The following SDCBP2 variants were observed in gnomAD, a reference collection of about 807,000 sequenced individuals.
SDCBP2 encodes the protein syntenin-2.
In SDCBP2, 28 loss-of-function variants were observed where a neutral mutation model predicts 30.7. The observed-to-expected ratio is 0.91, with a 90% confidence interval of 0.68 to 1.25. The LOEUF (loss-of-function observed/expected upper bound fraction) is 1.25, where lower values mean the gene tolerates loss of function less well. Among genes scored for constraint, SDCBP2 ranks in the 50% most tolerant of loss-of-function variants. The pLI, the probability that SDCBP2 is intolerant of heterozygous loss-of-function variation, is 0.00. For missense variants in SDCBP2, 399 were observed against 379.0 expected (o/e 1.05, Z -0.44); for synonymous variants, 166 against 157.3 (o/e 1.06, Z -0.41).
intron 8 of SDCBP2, 70 bp downstream of exon 8, chr20:1,310,730 C>T (rs998874208): frequency 3.4e-5 from 47 of 1,395,368 alleles, no homozygotes; most frequent in Non-Finnish European, 4.3e-5. Flanking sequence ...CCAGGTGCAC[C>T]TGGGAGGCCG....
At chr20:1,319,743 G>T in intron 2 of SDCBP2, 84 bp from the exon 3 acceptor site, 1 of 1,200,400 alleles carries the variant, frequency 8.3e-7, no homozygotes. Context: ...GCCAGGGTCT[G>T]GGCATTAGGG....
In SDCBP2 at chr20:1,313,381, C is replaced by T. The variant is rs2088714734; in HGVS notation, c.343G>A (p.Glu115Lys). The T allele has an allele frequency of 1.2e-6, 2 of 1,611,296 alleles. No individual in the cohort carries two copies. The highest frequency in any genetic ancestry group is 4.5e-5 in the East Asian group (2 of 44,838). ...AGCCTCAGCCCGGTCTTGCCGCGCT[C>T]GTCCTTGCACAGGTGGATCTCGCGC... ...GVREIHLCKDERGKTGLRLRK... is the reference protein window; with the variant it reads ...GVREIHLCKDKRGKTGLRLRK... Residue 115 changes from glutamate to lysine, a missense_variant, in exon 5 of 9, where the codon GAG becomes AAG. Glu to Lys is a moderately conservative substitution (Grantham distance 56). Transcript: ENST00000360779. The surrounding 1 kb of genome is among the most constrained non-coding windows in gnomAD (Gnocchi z 5.2).
At chr20:1,323,856 C>A (rs146411321) in intron 1 of SDCBP2, 2 of 151,548 alleles carry the variant, frequency 1.3e-5, no homozygotes, top group East Asian at 3.9e-4. Context: ...TAAATATTTT[C>A]TGTCTACAGT....
intron 7 of SDCBP2, among the ~76,000 whole-genome samples, chr20:1,311,727 T>C (rs547333550): frequency 1.3e-5 from 2 of 152,298 alleles, no homozygotes; most frequent in East Asian, 3.9e-4. Context: ...CACGACCCCA[T>C]GGATTTCTGA....
intron 1 of SDCBP2, chr20:1,322,521 T>A (rs983605649): frequency 6.6e-6 from 1 of 152,202 alleles, no homozygotes; most frequent in Non-Finnish European, 1.5e-5. Context: ...CCCACCTTCC[T>A]GGATGAAACA....
At chr20:1,316,285 A>G (rs939104414) in intron 4 of SDCBP2, among the ~76,000 whole-genome samples, 7 of 152,234 alleles carry the variant, frequency 4.6e-5, no homozygotes, top group Non-Finnish European at 7.3e-5. Context: ...AGTGGCTAAA[A>G]TATAAAATAG....
At position 1,313,992 on chromosome 20, in the gene SDCBP2, G is replaced by A. The variant is rs2088729920; in HGVS notation, c.226-494C>T. Among the ~76,000 whole-genome samples the A allele has an allele frequency of 6.6e-6, 1 of 152,172 alleles. No individual in the cohort carries two copies. The highest frequency in any genetic ancestry group is 2.1e-4 in the South Asian group (1 of 4,826). On this transcript the variant is annotated intron_variant, in intron 4 of 8. Transcript: ENST00000360779. This position sits in a 1 kb window ranked among gnomAD's most constrained non-coding sequence, Gnocchi z 5.2. ...CACAGTAGGCAAGAAAAGAGGGGGA[G>A]TCACACAGATCAGAAGAGAAGAAAT...
chr20:1,319,466 C>T lies in SDCBP2; in HGVS notation c.124+124G>A, dbSNP rs1600282314. 5.6e-6 allele frequency: 6 copies of T among 1,078,852 alleles called. No homozygotes were observed. The East Asian group carries it at 1.3e-4, about 24-fold the overall frequency. The allele number at this position is 1,078,852 out of a possible 1,614,324, so 66.8% of individuals were successfully genotyped here. On this transcript the variant is annotated intron_variant, in intron 3 of 8. Coordinates refer to ENST00000360779, the MANE Select transcript of SDCBP2 (RefSeq NM_080489.5). ...GTGGCAACTGGAAGCCTGGTCCTCT[C>T]TTCCCACCATGTTGAGTCCTTAACC...
intron 4 of SDCBP2, among the ~76,000 whole-genome samples, chr20:1,317,184 T>A (rs116628943): frequency 6.6e-6 from 1 of 151,662 alleles, no homozygotes; most frequent in Non-Finnish European, 1.5e-5. Flanking sequence ...ACTGGTTACA[T>A]GAATCTACAC....
rs1168420811 is a variant in SDCBP2 at position 1,319,663 on chromosome 20, G to T, written c.55-4C>A. On this transcript the variant is annotated splice_region_variant and splice_polypyrimidine_tract_variant and intron_variant, in intron 2 of 8. Coordinates refer to ENST00000360779, the MANE Select transcript of SDCBP2 (RefSeq NM_080489.5). ...TGGGTGAGGCTCTGACCTGGGCCTG[G>T]GGAGGAGCAGGGAGCACTGGTCAGC... is the stretch of plus-strand genomic sequence containing the variant. 2 of 1,552,462 alleles carry T rather than the reference G, an allele frequency of 1.3e-6. No individual in the cohort carries two copies. The highest frequency in any genetic ancestry group is 1.7e-4 in the Middle Eastern group (1 of 5,820).
chr20:1,319,626 G>A lies in SDCBP2; in HGVS notation c.88C>T (p.Leu30=). The change falls in exon 3 of 9, where the codon CTG becomes TTG. Residue 30 remains leucine (L), a synonymous_variant. Coordinates refer to ENST00000360779, the MANE Select transcript of SDCBP2 (RefSeq NM_080489.5). ...QVRASPKMPA[L]PVQATAISPP... ...GAAATGGCTGTTGCCTGGACTGGCA[G>A]GGCTGGCATCTTGGGTGAGGCTCTG... is the stretch of plus-strand genomic sequence containing the variant. The A allele has an allele frequency of 6.4e-7, 1 of 1,572,940 alleles. No individual in the cohort carries two copies. Among genetic ancestry groups the A allele is most frequent in the South Asian group, 1.2e-5 (1 of 85,566 alleles).
chr20:1,310,713 G>T, intron 8 of SDCBP2, 87 bp downstream of exon 8: 2 of 1,226,250 alleles, frequency 1.6e-6, no homozygotes, highest in Non-Finnish European at 2.4e-6. Flanking sequence ...AAGTGGAAGT[G>T]GCTGAGCCAG....
In SDCBP2 at chr20:1,313,054, C is replaced by G; in HGVS notation, c.384+286G>C. ...CTTCCCTGGCGTCGGCTGTCTACAC[C>G]GTCGCCTGGAAGCTAGATGCCCTGG... On this transcript the variant is annotated intron_variant, in intron 5 of 8. Transcript: ENST00000360779. This position sits in a 1 kb window ranked among gnomAD's most constrained non-coding sequence, Gnocchi z 5.2. The G allele has an allele frequency of 1.7e-6, 1 of 587,624 alleles. No individual in the cohort carries two copies. The highest frequency in any genetic ancestry group is 3.0e-6 in the Non-Finnish European group (1 of 330,532). The allele number at this position is 587,624 out of a possible 1,614,324, so 36.4% of individuals were successfully genotyped here. A position where few individuals can be genotyped will look rare whatever the true frequency, so the allele number is the denominator to read the frequency against.
rs2088720215 is a variant in SDCBP2 at position 1,313,572 on chromosome 20, G to T, written c.226-74C>A. 1 of 1,472,484 alleles carries T rather than the reference G, an allele frequency of 6.8e-7. No homozygotes were observed. Among genetic ancestry groups the T allele is most frequent in the South Asian group, 1.3e-5 (1 of 74,602 alleles). 91.2% of individuals were successfully genotyped at this position (1,472,484 alleles called of 1,614,324 possible). On this transcript the variant is annotated intron_variant, in intron 4 of 8. Transcript: ENST00000360779. This position sits in a 1 kb window ranked among gnomAD's most constrained non-coding sequence, Gnocchi z 5.2. ...TGCCTCAGGAGACACTGGGGTGGGG[G>T]TAGGGATGGGGAAAGGAGGATGGAG...
chr20:1,323,899 A>T (rs1436977362), intron 1 of SDCBP2: 2 of 152,108 alleles, frequency 1.3e-5, no homozygotes, highest in Non-Finnish European at 2.9e-5. Context: ...ACCTGGGGAT[A>T]GGAAAGGCAT....
chr20:1,325,962 TCTTGG>T (rs1373002474), intron 1 of SDCBP2: 1 of 152,228 alleles, frequency 6.6e-6, no homozygotes, highest in Non-Finnish European at 1.5e-5. Flanking sequence ...AGGGAAGGGT[TCTTGG>T]CTTGGCCGGG....
At position 1,313,588 on chromosome 20, in the gene SDCBP2, G is replaced by A. The variant is rs2088721003; in HGVS notation, c.226-90C>T. ...GGGGTGGGGGTAGGGATGGGGAAAG[G>A]AGGATGGAGCCGTCCCCGGGTCCCC... On this transcript the variant is annotated intron_variant, in intron 4 of 8. Coordinates refer to ENST00000360779, the MANE Select transcript of SDCBP2 (RefSeq NM_080489.5). The surrounding 1 kb of genome is among the most constrained non-coding windows in gnomAD (Gnocchi z 5.2). The A allele has an allele frequency of 6.9e-7, 1 of 1,452,948 alleles. No individual in the cohort carries two copies. Among genetic ancestry groups the A allele is most frequent in the Non-Finnish European group, 9.1e-7 (1 of 1,103,560 alleles). 90.0% of individuals were successfully genotyped at this position (1,452,948 alleles called of 1,614,324 possible). A position where few individuals can be genotyped will look rare whatever the true frequency, so the allele number is the denominator to read the frequency against.
At position 1,320,278 on chromosome 20, in the gene SDCBP2, A is replaced by G; in HGVS notation, c.54+85T>C. On this transcript the variant is annotated intron_variant, in intron 2 of 8. Transcript: ENST00000360779. This position sits in a 1 kb window ranked among gnomAD's most constrained non-coding sequence, Gnocchi z 4.7. ...TGCCCTGAGGCCTACGGGAATCTCC[A>G]AGTGGCCCCAGTACCCAGCACCTTC... 2 of 1,266,374 alleles carry G rather than the reference A, an allele frequency of 1.6e-6. No homozygotes were observed. Among genetic ancestry groups the G allele is most frequent in the Non-Finnish European group, 2.2e-6 (2 of 889,784 alleles). The allele number at this position is 1,266,374 out of a possible 1,614,324, so 78.4% of individuals were successfully genotyped here. A position where few individuals can be genotyped will look rare whatever the true frequency, so the allele number is the denominator to read the frequency against.
At chr20:1,315,341 G>A (rs1327374726) in intron 4 of SDCBP2, among the ~76,000 whole-genome samples, 1 of 152,134 alleles carries the variant, frequency 6.6e-6, no homozygotes, top group African/African-American at 2.4e-5. Context: ...ACCAGCCTGG[G>A]CAACAGGGTG....
Sources: allele counts gnomAD v4.1 joint callset (sites outside exome capture counted in the v4.1 genomes callset), GRCh38; gene constraint gnomAD v4.1.1; non-coding constraint Gnocchi (gnomAD v3.1); transcripts MANE v1.5; gene names NCBI Gene and HGNC (gene_info 2026-07-23, HGNC 2026-07-21).